The following PALM2AKAP2 variants were observed in gnomAD, a reference collection of about 807,000 sequenced individuals.
The protein encoded by PALM2AKAP2 is PALM2 and AKAP2 fusion.
A neutral mutation model predicts 71.5 loss-of-function variants in PALM2AKAP2; 37 were observed. That is an observed-to-expected ratio of 0.52 (90% confidence interval 0.40 to 0.68). The LOEUF (loss-of-function observed/expected upper bound fraction) is 0.68, where lower values mean the gene tolerates loss of function less well. Ranked by LOEUF, PALM2AKAP2 falls within the 30% of genes least tolerant of loss-of-function variation. The pLI is 0.00. For synonymous variants in PALM2AKAP2, 468 were observed against 478.8 expected (o/e 0.98, Z 0.29); for missense variants, 1,224 against 1,191.8 (o/e 1.03, Z -0.40).
rs1834999041 is a variant in PALM2AKAP2 at position 110,101,475 on chromosome 9, G to A, written c.157-34652G>A. Among the ~76,000 whole-genome samples the A allele has an allele frequency of 2.0e-5, 3 of 152,122 alleles. No individual in the cohort carries two copies. The South Asian group carries it at 6.2e-4, about 32-fold the overall frequency. ...TATATTAATATCAGTAAGTCTCCAT[G>A]GATGGCCCAGGTCAAGGCAGACAAA... On this transcript the variant is annotated intron_variant, in intron 1 of 3. Transcript: ENST00000374525.
chr9:109,997,643 A>T (rs970727304), intron 6 of PALM2AKAP2, among the ~76,000 whole-genome samples: 1 of 152,246 alleles, frequency 6.6e-6, no homozygotes, highest in Non-Finnish European at 1.5e-5. Context: ...TATCCAAAAG[A>T]TGGACCTTCC....
intron 2 of PALM2AKAP2, 139 bp from the exon 9 acceptor site, chr9:110,156,179 TA>T: frequency 1.6e-6 from 2 of 1,228,640 alleles, no homozygotes; most frequent in Non-Finnish European, 1.1e-6. Context: ...TGTAATATAA[TA>T]AAATGGCCTA....
chr9:110,151,221 A>G (rs565367108), intron 2 of PALM2AKAP2, among the ~76,000 whole-genome samples: 1 of 151,846 alleles, frequency 6.6e-6, no homozygotes, highest in East Asian at 1.9e-4. Flanking sequence ...TTCTGTATTC[A>G]TTTACTTACT....
At chr9:109,844,958 T>TGTGTGC (rs1361967426) in intron 1 of PALM2AKAP2, among the ~76,000 whole-genome samples, 1 of 148,804 alleles carries the variant, frequency 6.7e-6, no homozygotes, top group Non-Finnish European at 1.5e-5. Flanking sequence ...TGTGTGTGTG[T>TGTGTGC]GCATGTGCAC....
At chr9:109,659,978 C>G (rs1392013300) in intron 1 of PALM2AKAP2, among the ~76,000 whole-genome samples, 1 of 152,044 alleles carries the variant, frequency 6.6e-6, no homozygotes, top group Non-Finnish European at 1.5e-5. Context: ...GTAGCTGGAA[C>G]TACAGGCATG....
At chr9:109,715,556 G>C (rs1259201252) in intron 1 of PALM2AKAP2, among the ~76,000 whole-genome samples, 2 of 152,112 alleles carry the variant, frequency 1.3e-5, no homozygotes, top group Admixed American at 6.5e-5. Flanking sequence ...TCAGCCTGCT[G>C]TCCACTCCCT....
chr9:109,840,075 G>A (rs1434169509), intron 1 of PALM2AKAP2, among the ~76,000 whole-genome samples: 2 of 152,158 alleles, frequency 1.3e-5, no homozygotes, highest in Non-Finnish European at 1.5e-5. Flanking sequence ...TAAGCCAAAA[G>A]AACAAAGGTG....
chr9:109,727,112 A>C (rs1209659937), intron 1 of PALM2AKAP2, among the ~76,000 whole-genome samples: 1 of 152,182 alleles, frequency 6.6e-6, no homozygotes, highest in African/African-American at 2.4e-5. Flanking sequence ...ACTAGATTAG[A>C]GTGTGTTTTA....
chr9:109,640,797 G>C, exon 1 of PALM2AKAP2: 1 of 1,498,370 alleles, frequency 6.7e-7, no homozygotes, highest in Non-Finnish European at 8.8e-7. Context: ...AGTGCACTCG[G>C]CTCCGGGAGA....
At chr9:109,779,135 C>T, upstream of PALM2AKAP2, among the ~76,000 whole-genome samples, 1 of 152,142 alleles carries the variant, frequency 6.6e-6, no homozygotes, top group East Asian at 1.9e-4. Flanking sequence ...TTAGTTATTT[C>T]AGTGTTTATT....
chr9:110,035,870 A>G (rs867495118), intron 7 of PALM2AKAP2, among the ~76,000 whole-genome samples: 1 of 140,482 alleles, frequency 7.1e-6, no homozygotes, highest in Non-Finnish European at 1.6e-5. Flanking sequence ...TGTGTTATAT[A>G]TAACATATAT....
At chr9:109,844,175 CAGCAACCATG>C (rs1259433250) in intron 1 of PALM2AKAP2, among the ~76,000 whole-genome samples, 1 of 152,184 alleles carries the variant, frequency 6.6e-6, no homozygotes, top group Admixed American at 6.5e-5. Flanking sequence ...TTAATTTTCA[CAGCAACCATG>C]TAGAGTAAGT....
intron 1 of PALM2AKAP2, among the ~76,000 whole-genome samples, chr9:109,739,692 T>C (rs1007389050): frequency 6.6e-6 from 1 of 152,236 alleles, no homozygotes; most frequent in African/African-American, 2.4e-5. Flanking sequence ...CTTCCTCCTC[T>C]TTTTAATTTC....
intron 6 of PALM2AKAP2, among the ~76,000 whole-genome samples, chr9:109,940,926 G>A (rs570226740): frequency 1.2e-4 from 19 of 152,308 alleles, no homozygotes; most frequent in African/African-American, 4.3e-4. Flanking sequence ...TGGGCAGGAT[G>A]GAGCACAGGC....
intron 1 of PALM2AKAP2, among the ~76,000 whole-genome samples, chr9:109,685,140 G>A (rs1253311812): frequency 2.0e-5 from 3 of 152,140 alleles, no homozygotes; most frequent in Admixed American, 6.6e-5. Flanking sequence ...CTGAGTCTAA[G>A]GGGTGGTCAT....
chr9:109,807,705 C>G (rs1035769638), intron 1 of PALM2AKAP2, among the ~76,000 whole-genome samples: 1 of 152,008 alleles, frequency 6.6e-6, no homozygotes, highest in Admixed American at 6.6e-5. Context: ...ACCAATGGAG[C>G]CTCTTTTATA....
At position 109,880,533 on chromosome 9, in the gene PALM2AKAP2, C is replaced by G; in HGVS notation, c.127-18C>G. On this transcript the variant is annotated intron_variant, in intron 2 of 9. Transcript: ENST00000302798. ...TGAAAAGTATCATCTTGTCTGTTGT[C>G]TTCCCTCACTTCCACAGTCCAAAGT... The G allele has an allele frequency of 6.2e-7, 1 of 1,611,954 alleles. No homozygotes were observed. Among genetic ancestry groups the G allele is most frequent in the African/African-American group, 1.3e-5 (1 of 74,986 alleles).
intron 1 of PALM2AKAP2, among the ~76,000 whole-genome samples, chr9:110,117,881 A>T (rs1218245420): frequency 1.3e-5 from 2 of 151,954 alleles, no homozygotes; most frequent in African/African-American, 4.8e-5. Flanking sequence ...ATAGAGAGAG[A>T]GAGAGAGAGA....
At chr9:109,736,205 A>C (rs1470868277) in intron 1 of PALM2AKAP2, among the ~76,000 whole-genome samples, 2 of 152,220 alleles carry the variant, frequency 1.3e-5, no homozygotes, top group Non-Finnish European at 2.9e-5. Flanking sequence ...CCGGGGAACT[A>C]GTCTTGTACA....
Sources: allele counts gnomAD v4.1 joint callset (sites outside exome capture counted in the v4.1 genomes callset), GRCh38; gene constraint gnomAD v4.1.1; transcripts MANE v1.5; gene names NCBI Gene and HGNC (gene_info 2026-07-23, HGNC 2026-07-21).